ZP3: variants seen among roughly 807,000 people sequenced by gnomAD.
The protein encoded by ZP3 is zona pellucida glycoprotein 3.
ZP3 carries 21 observed loss-of-function variants against 35.6 expected under a neutral mutation model. The ratio of observed to expected loss-of-function variants is 0.59; its 90% CI spans 0.42 to 0.85. ZP3 has a LOEUF of 0.85. Among genes scored for constraint, ZP3 ranks in the 40% least tolerant of loss-of-function variants. ZP3 has a pLI of 0.00. For synonymous variants in ZP3, 207 were observed against 214.5 expected, an observed-to-expected ratio of 0.96 and a Z score of 0.31; for missense variants, 437 against 536.5, an observed-to-expected ratio of 0.81 and a Z score of 1.83.
chr7:76,405,648 C>T (rs1736736398), intron 1 of ZP3, among the ~76,000 whole-genome samples: 1 of 151,874 alleles, frequency 6.6e-6, no homozygotes. Flanking sequence ...ATGACATTTC[C>T]ACTTGCCTTT....
chr7:76,410,155 C>G (rs1342335306), intron 1 of ZP3, among the ~76,000 whole-genome samples: 1 of 151,894 alleles, frequency 6.6e-6, no homozygotes, highest in African/African-American at 2.4e-5. Context: ...GCCTCAGCGC[C>G]CGAGTACCTG....
Position 76,424,971 on chromosome 7 carries a change from C to T in ZP3, c.7C>T (p.Leu3=). ME[L]SYRLFICLLL... is the part of the protein sequence containing the mutation. ...CTGCTGCTCTGCAGGTACCATGGAG[C>T]TGAGCTATAGGCTCTTCATCTGCCT... is the stretch of plus-strand genomic sequence containing the variant. Residue 3 remains leucine, a synonymous_variant, in exon 1 of 8, where the codon CTG becomes TTG. Transcript: ENST00000394857. 6.5e-7 allele frequency: 1 copy of T among 1,532,068 alleles called. No homozygotes were observed. Among genetic ancestry groups the T allele is most frequent in the Non-Finnish European group, 8.8e-7 (1 of 1,138,886 alleles). The allele number at this position is 1,532,068 out of a possible 1,614,324, so 94.9% of individuals were successfully genotyped here.
chr7:76,437,649 G>T (rs1483239968), intron 5 of ZP3, among the ~76,000 whole-genome samples: 1 of 141,876 alleles, frequency 7.0e-6, no homozygotes, highest in Non-Finnish European at 1.5e-5. Context: ...ACCATGCCCA[G>T]CTAATTTCTG....
chr7:76,439,995 C>T (rs867461346), intron 5 of ZP3: 5,109 of 421,152 alleles, frequency 0.012, 20 homozygotes, highest in African/African-American at 0.093. Flanking sequence ...CTACAGGTAC[C>T]CACCACCACG....
intron 1 of ZP3, among the ~76,000 whole-genome samples, chr7:76,398,406 G>T (rs961397269): frequency 6.6e-6 from 1 of 150,576 alleles, no homozygotes; most frequent in Non-Finnish European, 1.5e-5. Context: ...CCGGGTTCAA[G>T]TGATCCCCCT....
In ZP3 at chr7:76,435,592, A is replaced by G. The variant is rs577203280; in HGVS notation, c.831+1437A>G. Among the ~76,000 whole-genome samples the G allele has an allele frequency of 3.9e-5, 6 of 152,338 alleles. No individual in the cohort carries two copies. The South Asian group carries it at 1.2e-3, about 32-fold the overall frequency. ...ATCTGGAGAGGTTGTAAAAATACTGATTGTAGAGAGTCTCATACCTTCACT... is the reference window on the plus strand; with the variant it reads ...ATCTGGAGAGGTTGTAAAAATACTGGTTGTAGAGAGTCTCATACCTTCACT... On this transcript the variant is annotated intron_variant, in intron 5 of 7. Coordinates refer to ENST00000394857, the MANE Select transcript of ZP3 (RefSeq NM_001110354.2).
At chr7:76,425,472 C>T (rs905622888) in intron 1 of ZP3, among the ~76,000 whole-genome samples, 196 bp downstream of exon 1, 5 of 152,126 alleles carry the variant, frequency 3.3e-5, no homozygotes, top group African/African-American at 1.2e-4. Flanking sequence ...TGATGCCCGA[C>T]ATTGGGTCGA....
intron 1 of ZP3, among the ~76,000 whole-genome samples, chr7:76,408,981 G>A (rs914077899): frequency 3.9e-5 from 6 of 152,104 alleles, no homozygotes; most frequent in Non-Finnish European, 5.9e-5. Context: ...AATGGCTTTC[G>A]TGATCCACTT....
upstream of ZP3, among the ~76,000 whole-genome samples, chr7:76,423,007 A>AAG (rs747350112): frequency 0.047 from 3,584 of 76,014 alleles, 306 homozygotes; most frequent in East Asian, 0.075. Flanking sequence ...AAAAGAAAGA[A>AAG]AGAGAGAGAG....
At chr7:76,420,269 G>A (rs1284588194), upstream of ZP3, among the ~76,000 whole-genome samples, 9 of 151,886 alleles carry the variant, frequency 5.9e-5, no homozygotes, top group Admixed American at 1.3e-4. Flanking sequence ...CTCCTGCTTC[G>A]GCCTCCCAAA....
rs1385723183 is a variant in ZP3 at position 76,412,943 on chromosome 7, TC to T, written c.-66-12108del. Among the ~76,000 whole-genome samples, 3 of 148,388 alleles carry T rather than the reference TC, an allele frequency of 2.0e-5. No individual in the cohort carries two copies. In the East Asian group the frequency reaches 5.9e-4, roughly 29 times the overall value. The stretch of plus-strand genomic sequence containing the variant: ...CATTCCTTTCTTTTCTTTTCTTTCT[TC>T]TTTGTCTTCTTCTTCTTCTTCTTTT... On this transcript the variant is annotated intron_variant, in intron 1 of 8. Transcript: ENST00000336517.
upstream of ZP3, among the ~76,000 whole-genome samples, chr7:76,423,149 A>G (rs941756097): frequency 6.6e-6 from 1 of 151,592 alleles, no homozygotes; most frequent in Non-Finnish European, 1.5e-5. Flanking sequence ...TTATGCCCAG[A>G]CATAAAGGAG....
At chr7:76,419,844 C>T (rs1440957788) in intron 1 of ZP3, among the ~76,000 whole-genome samples, 2 of 148,942 alleles carry the variant, frequency 1.3e-5, no homozygotes, top group South Asian at 2.1e-4. Flanking sequence ...TGTCGCCAGG[C>T]TGGAGTGCAG....
chr7:76,419,716 CCT>C (rs1805461419), intron 1 of ZP3, among the ~76,000 whole-genome samples: 2 of 142,058 alleles, frequency 1.4e-5, no homozygotes, highest in South Asian at 4.5e-4. Flanking sequence ...TTCCTCCCTC[CCT>C]CTCCCTCTAT....
intron 1 of ZP3, chr7:76,401,026 T>C: frequency 5.8e-6 from 9 of 1,549,098 alleles, no homozygotes; most frequent in Non-Finnish European, 7.9e-6. Context: ...GGCAGTGGAG[T>C]GGGCTGTAGG....
chr7:76,408,285 C>A (rs1398165239), intron 1 of ZP3, among the ~76,000 whole-genome samples: 1 of 152,100 alleles, frequency 6.6e-6, no homozygotes, highest in African/African-American at 2.4e-5. Flanking sequence ...GATTTCAACA[C>A]CCCATTCATG....
In ZP3 at chr7:76,405,294, TATATATA is replaced by T. The variant is rs1563686835; in HGVS notation, c.-67+7498_-67+7504del. ...AATTATATATATATATATATATATA[TATATATA>T]TATATATATATATATGTATTTTTTT... On this transcript the variant is annotated intron_variant, in intron 1 of 8. Coordinates refer to the ZP3 transcript ENST00000336517. Among the ~76,000 whole-genome samples the T allele has an allele frequency of 5.3e-4, 28 of 53,088 alleles. 1 individual carries two copies. Among genetic ancestry groups the T allele is most frequent in the African/African-American group, 2.2e-3 (27 of 12,434 alleles). 34.8% of individuals were successfully genotyped at this position (53,088 alleles called of 152,430 possible). A position where few individuals can be genotyped will look rare whatever the true frequency, so the allele number is the denominator to read the frequency against.
intron 1 of ZP3, among the ~76,000 whole-genome samples, chr7:76,416,750 G>A (rs890728185): frequency 6.6e-6 from 1 of 151,520 alleles, no homozygotes; most frequent in African/African-American, 2.4e-5. Flanking sequence ...AGTGAGCCAA[G>A]ATCATGCCAT....
chr7:76,430,297 T>C (rs952546153), intron 2 of ZP3, among the ~76,000 whole-genome samples: 3 of 152,182 alleles, frequency 2.0e-5, no homozygotes, highest in African/African-American at 7.2e-5. Flanking sequence ...CTCAAGCCCC[T>C]GGCATCAAGC....
Sources: gnomAD v4.1 joint callset for allele counts (sites outside exome capture counted in the v4.1 genomes callset) on GRCh38, gnomAD v4.1.1 for gene constraint, MANE v1.5 for transcripts, NCBI Gene and HGNC (gene_info 2026-07-23, HGNC 2026-07-21) for gene names.